The following MGST1 variants were observed in gnomAD, a reference collection of about 807,000 sequenced individuals.
The protein encoded by MGST1 is microsomal glutathione S-transferase 1.
Under a neutral mutation model 8.9 loss-of-function variants are expected in MGST1, and 5 were observed. That is an observed-to-expected ratio of 0.56 (90% CI 0.29 to 1.19). The LOEUF (loss-of-function observed/expected upper bound fraction) is 1.19. Among genes scored for constraint, MGST1 ranks in the 50% most tolerant of loss-of-function variants. The pLI, the probability that MGST1 is intolerant of heterozygous loss-of-function variation, is 0.08. For synonymous variants in MGST1, 54 were observed against 67.8 expected (o/e 0.80, Z 1.00); for missense variants, 182 against 187.4 (o/e 0.97, Z 0.17).
rs1296451050 is a variant in MGST1, at chr12:16,517,405, CT to C, written n.483-72120del. On this transcript the variant is annotated intron_variant and non_coding_transcript_variant, in intron 4 of 4. Transcript: ENST00000538857. This position sits in a 1 kb window ranked among gnomAD's most constrained non-coding sequence, Gnocchi z 4.2. ...AAAGTAAGTTTGGCTTCCTCTTGTT[CT>C]TTCTTTTGCCTTGTGATGCCTCCTG... is the stretch of plus-strand genomic sequence containing the variant. 2.0e-5 allele frequency among the ~76,000 whole-genome samples: 3 copies of C among 151,768 alleles called. No individual in the cohort carries two copies. The highest frequency in any genetic ancestry group is 4.4e-5 in the Non-Finnish European group (3 of 68,000).
downstream of MGST1, among the ~76,000 whole-genome samples, chr12:16,380,319 G>C (rs980825653): frequency 4.8e-4 from 73 of 152,080 alleles, no homozygotes; most frequent in Non-Finnish European, 3.5e-4. Context: ...TTGAATGTGT[G>C]CCAGAGATTC....
intron 4 of MGST1, among the ~76,000 whole-genome samples, chr12:16,578,107 C>T (rs1477794561): frequency 6.6e-6 from 1 of 152,102 alleles, no homozygotes; most frequent in African/African-American, 2.4e-5. Context: ...CACCTCATCG[C>T]CTCCCAGAAG....
At chr12:16,520,625 G>A (rs746082354) in intron 4 of MGST1, among the ~76,000 whole-genome samples, 1 of 152,096 alleles carries the variant, frequency 6.6e-6, no homozygotes, top group South Asian at 2.1e-4. Flanking sequence ...TTTTCGCTGA[G>A]AAGTGTCCAT....
chr12:16,432,679 G>GACAC lies in MGST1; in HGVS notation n.779-4659_779-4656dup, dbSNP rs36054419. ...TCGCAAATCTCTCCTCTCTCTCTCT[G>GACAC]ACACACACACACACACACACACACA... On this transcript the variant is annotated intron_variant and non_coding_transcript_variant, in intron 1 of 1. Coordinates refer to the MGST1 transcript ENST00000359720. 2.5e-3 allele frequency among the ~76,000 whole-genome samples: 308 copies of GACAC among 124,380 alleles called. 3 individuals carry two copies. Among genetic ancestry groups the GACAC allele is most frequent in the South Asian group, 5.6e-3 (19 of 3,386 alleles). 81.6% of individuals were successfully genotyped at this position (124,380 alleles called of 152,430 possible). A position where few individuals can be genotyped will look rare whatever the true frequency, so the allele number is the denominator to read the frequency against.
intron 4 of MGST1, among the ~76,000 whole-genome samples, chr12:16,574,667 G>A (rs1396070375): frequency 6.6e-6 from 1 of 152,132 alleles, no homozygotes; most frequent in Non-Finnish European, 1.5e-5. Context: ...TCTGTGCTCT[G>A]TTAACTGCAA....
At chr12:16,435,003 C>A (rs577299032) in intron 1 of MGST1, among the ~76,000 whole-genome samples, 6 of 151,862 alleles carry the variant, frequency 4.0e-5, no homozygotes, top group Non-Finnish European at 8.8e-5. Flanking sequence ...TTACATTTAT[C>A]CGAGATTCTT....
At chr12:16,421,278 A>G (rs367923419) in intron 1 of MGST1, among the ~76,000 whole-genome samples, 4 of 152,170 alleles carry the variant, frequency 2.6e-5, no homozygotes, top group African/African-American at 9.7e-5. Context: ...ACCTCTAAAA[A>G]TATGGTGACT....
At chr12:16,473,742 G>T (rs1175439787) in intron 4 of MGST1, among the ~76,000 whole-genome samples, 1 of 152,034 alleles carries the variant, frequency 6.6e-6, no homozygotes, top group Non-Finnish European at 1.5e-5. Context: ...CTGGCCGTGT[G>T]CGACAGCTCA....
At chr12:16,414,905 C>T (rs1020523409) in intron 1 of MGST1, among the ~76,000 whole-genome samples, 2 of 151,970 alleles carry the variant, frequency 1.3e-5, no homozygotes, top group Admixed American at 1.3e-4. Flanking sequence ...GTGCCTGTAA[C>T]CCCAGCTACT....
intron 3 of MGST1, among the ~76,000 whole-genome samples, chr12:16,375,453 G>C (rs542740180): frequency 3.9e-5 from 6 of 151,978 alleles, no homozygotes; most frequent in Non-Finnish European, 7.4e-5. Context: ...TTCCACAAAG[G>C]AACTATCCGA....
chr12:16,443,595 A>C (rs1319516151), downstream of MGST1, among the ~76,000 whole-genome samples: 3 of 152,008 alleles, frequency 2.0e-5, no homozygotes, highest in Middle Eastern at 3.4e-3. Flanking sequence ...ATCATAAACA[A>C]TGCTGTTTCT....
downstream of MGST1, among the ~76,000 whole-genome samples, chr12:16,367,744 G>A (rs1349527091): frequency 6.6e-6 from 1 of 152,142 alleles, no homozygotes; most frequent in Non-Finnish European, 1.5e-5. Flanking sequence ...TCTCTTCAGT[G>A]AAACTTAAAA....
chr12:16,507,929 A>T (rs1278197752), intron 4 of MGST1, among the ~76,000 whole-genome samples: 1 of 152,180 alleles, frequency 6.6e-6, no homozygotes, highest in Non-Finnish European at 1.5e-5. Context: ...AGGAGATGGG[A>T]TTAGATATTC....
rs1940762919 is a variant in MGST1 at position 16,413,840 on chromosome 12, T to G, written n.779-23548T>G. 6.6e-6 allele frequency among the ~76,000 whole-genome samples: 1 copy of G among 152,166 alleles called. No homozygotes were observed. The highest frequency in any genetic ancestry group is 2.4e-5 in the African/African-American group (1 of 41,438). Reference sequence around the variant, plus strand: ...CTCCAGCATATAATTTCTGACACATTGAAGACTCTTAGCCATTGCCAAATC... The same window carrying G: ...CTCCAGCATATAATTTCTGACACATGGAAGACTCTTAGCCATTGCCAAATC... On this transcript the variant is annotated intron_variant and non_coding_transcript_variant, in intron 1 of 1. Transcript: ENST00000359720. This position sits in a 1 kb window ranked among gnomAD's most constrained non-coding sequence, Gnocchi z 4.0.
intron 1 of MGST1, chr12:16,402,086 T>G (rs1940660589): frequency 1.3e-6 from 2 of 1,545,222 alleles, no homozygotes; most frequent in Non-Finnish European, 1.8e-6. Flanking sequence ...TCTTACTACT[T>G]TCATTCTTTT....
chr12:16,547,108 ATT>A lies in MGST1; in HGVS notation n.483-42417_483-42416del, dbSNP rs1941833256. ...TCAAAGGAAGCTCTAGTAAAAATGA[ATT>A]TTCTTCATTTTTCTGGCCATTCATA... On this transcript the variant is annotated intron_variant and non_coding_transcript_variant, in intron 4 of 4. Coordinates refer to the MGST1 transcript ENST00000538857. The surrounding 1 kb of genome is among the most constrained non-coding windows in gnomAD (Gnocchi z 4.6). Among the ~76,000 whole-genome samples the A allele has an allele frequency of 6.6e-6, 1 of 152,052 alleles. No individual in the cohort carries two copies. The highest frequency in any genetic ancestry group is 1.5e-5 in the Non-Finnish European group (1 of 68,004).
At chr12:16,511,422 C>T (rs919407387) in intron 4 of MGST1, among the ~76,000 whole-genome samples, 1 of 152,200 alleles carries the variant, frequency 6.6e-6, no homozygotes, top group Non-Finnish European at 1.5e-5. Flanking sequence ...AATACCTATG[C>T]TGAATTTTTT....
chr12:16,583,571 G>A (rs753141330), intron 4 of MGST1, among the ~76,000 whole-genome samples: 1 of 152,134 alleles, frequency 6.6e-6, no homozygotes, highest in Non-Finnish European at 1.5e-5. Context: ...CCATAGATGG[G>A]ATAAAAGAAA....
chr12:16,370,653 C>A (rs565284803), intron 3 of MGST1, among the ~76,000 whole-genome samples: 8 of 152,230 alleles, frequency 5.3e-5, no homozygotes, highest in Non-Finnish European at 8.8e-5. Flanking sequence ...GAGTCTGGAT[C>A]CTAGAATTGA....
Sources: allele counts gnomAD v4.1 joint callset (sites outside exome capture counted in the v4.1 genomes callset), GRCh38; gene constraint gnomAD v4.1.1; non-coding constraint Gnocchi (gnomAD v3.1); transcripts MANE v1.5; gene names NCBI Gene and HGNC (gene_info 2026-07-23, HGNC 2026-07-21).